Variants in ARHGAP32 observed in about 807,000 individuals in gnomAD.
ARHGAP32 encodes rho GTPase-activating protein 32.
A neutral mutation model predicts 186.5 loss-of-function variants in ARHGAP32; 51 were observed. The ratio of observed to expected loss-of-function variants is 0.27; its 90% CI spans 0.22 to 0.35. The LOEUF (loss-of-function observed/expected upper bound fraction) is 0.35, where lower values mean the gene tolerates loss of function less well. Ranked by LOEUF, ARHGAP32 falls within the 10% of genes least tolerant of loss-of-function variation. ARHGAP32 has a pLI of 1.00. For missense variants in ARHGAP32, 2,186 were observed against 2,623.5 expected (o/e 0.83, Z 3.64); for synonymous variants, 950 against 964.3 (o/e 0.99, Z 0.27).
At chr11:129,074,981 T>C (rs1017097199) in intron 6 of ARHGAP32, among the ~76,000 whole-genome samples, 1 of 152,054 alleles carries the variant, frequency 6.6e-6, no homozygotes, top group South Asian at 2.1e-4. Context: ...CGCATACACA[T>C]ATCAAAATAT....
At chr11:128,983,550 G>A (rs572522907) in intron 15 of ARHGAP32, among the ~76,000 whole-genome samples, 6 of 151,994 alleles carry the variant, frequency 3.9e-5, no homozygotes, top group African/African-American at 1.4e-4. Context: ...TGTAAATGAC[G>A]AGTTAATGGG....
chr11:129,189,854 G>A (rs1366973873), intron 1 of ARHGAP32, among the ~76,000 whole-genome samples: 1 of 152,316 alleles, frequency 6.6e-6, no homozygotes, highest in East Asian at 1.9e-4. Flanking sequence ...GCACCTGGAA[G>A]CACCAGAAGC....
At chr11:129,174,530 T>C (rs1943859491) in intron 1 of ARHGAP32, among the ~76,000 whole-genome samples, 4 of 152,202 alleles carry the variant, frequency 2.6e-5, no homozygotes, top group African/African-American at 7.2e-5. Flanking sequence ...CTCTGCAGAC[T>C]TAAATGTCCC....
chr11:129,046,581 T>C (rs1939816293), intron 10 of ARHGAP32, among the ~76,000 whole-genome samples: 1 of 152,174 alleles, frequency 6.6e-6, no homozygotes, highest in African/African-American at 2.4e-5. Flanking sequence ...TTCTTCTACC[T>C]TGGGGAATAC....
intron 1 of ARHGAP32, among the ~76,000 whole-genome samples, chr11:129,209,879 A>G (rs1944558983): frequency 6.6e-6 from 1 of 152,244 alleles, no homozygotes; most frequent in Non-Finnish European, 1.5e-5. Context: ...AAAACTTCAC[A>G]GATGAAATCG....
At chr11:129,058,246 A>C (rs1208084088) in intron 10 of ARHGAP32, among the ~76,000 whole-genome samples, 1 of 151,236 alleles carries the variant, frequency 6.6e-6, no homozygotes, top group Non-Finnish European at 1.5e-5. Flanking sequence ...CTCTATATAT[A>C]TATATATCTC....
intron 1 of ARHGAP32, among the ~76,000 whole-genome samples, chr11:129,173,848 G>A (rs1281714944): frequency 6.6e-6 from 1 of 152,102 alleles, no homozygotes; most frequent in Non-Finnish European, 1.5e-5. Flanking sequence ...AATCAAGAAT[G>A]TTGTCTTCTA....
chr11:129,003,996 T>G (rs1937634598), intron 11 of ARHGAP32, among the ~76,000 whole-genome samples: 1 of 152,086 alleles, frequency 6.6e-6, no homozygotes. Flanking sequence ...ATGTAGGTAC[T>G]TATAGCTATA....
chr11:128,993,626 T>C lies in ARHGAP32; in HGVS notation c.1195+4693A>G, dbSNP rs1489701814. 3.9e-5 allele frequency among the ~76,000 whole-genome samples: 6 copies of C among 152,044 alleles called. No individual in the cohort carries two copies. In the East Asian group the frequency reaches 1.2e-3, roughly 29 times the overall value. On this transcript the variant is annotated intron_variant, in intron 12 of 22. Transcript: ENST00000682385. The stretch of plus-strand genomic sequence containing the variant: ...ACTTTAAAATAGTCTCTATATATAT[T>C]TGTATGTGTAAATATATACACACAT...
In ARHGAP32 at chr11:128,973,084, G is replaced by T. The variant is rs762964077; in HGVS notation, c.3422C>A (p.Thr1141Asn). ...CDHPLPETTA[T>N]GDPTHSNTTE... The stretch of plus-strand genomic sequence containing the variant: ...TGTGTTGGAATGGGTAGGATCCCCA[G>T]TAGCTGTTGTCTCTGGTAGAGGATG... The change falls in exon 22 of 23, where the codon ACT (threonine) becomes AAT (asparagine). Residue 1141 changes from threonine (T) to asparagine (N), a missense_variant. Coordinates refer to ENST00000682385, the MANE Select transcript of ARHGAP32 (RefSeq NM_001378024.1). 6.2e-7 allele frequency: 1 copy of T among 1,614,060 alleles called. No individual in the cohort carries two copies. The highest frequency in any genetic ancestry group is 8.5e-7 in the Non-Finnish European group (1 of 1,180,054).
At chr11:129,274,104 T>C in intron 1 of ARHGAP32, among the ~76,000 whole-genome samples, 1 of 152,166 alleles carries the variant, frequency 6.6e-6, no homozygotes, top group East Asian at 1.9e-4. Flanking sequence ...CATGAGAAAT[T>C]AAACCAAACA....
At chr11:129,148,709 C>T (rs1418830070) in intron 2 of ARHGAP32, among the ~76,000 whole-genome samples, 1 of 152,166 alleles carries the variant, frequency 6.6e-6, no homozygotes, top group Non-Finnish European at 1.5e-5. Context: ...GAAAGCCATG[C>T]TTGCTTTCTC....
At position 128,970,734 on chromosome 11, in the gene ARHGAP32, G is replaced by A. The variant is rs114575545; in HGVS notation, c.4479C>T (p.Pro1493=). The A allele has an allele frequency of 2.2e-5, 35 of 1,614,158 alleles. No homozygotes were observed. Among genetic ancestry groups the A allele is most frequent in the Admixed American group, 2.2e-4 (13 of 60,024 alleles). ...QKTVYSSFAR[P]DVTTEPFGPD... ...GACCAAAGGGTTCAGTGGTGACATC[G>A]GGCCTAGCAAAGGAGGAGTAAACTG... The change falls in exon 23 of 23, where the codon CCC becomes CCT. Residue 1493 remains proline, a synonymous_variant. Transcript: ENST00000682385. This position sits in a 1 kb window ranked among gnomAD's most constrained non-coding sequence, Gnocchi z 5.8.
intron 1 of ARHGAP32, among the ~76,000 whole-genome samples, chr11:129,274,033 A>G (rs1945503270): frequency 6.8e-6 from 1 of 147,556 alleles, no homozygotes; most frequent in Non-Finnish European, 1.5e-5. Context: ...AAAAAAAAAC[A>G]ACTGTGTTTT....
At chr11:129,110,783 T>C (rs868206192) in intron 5 of ARHGAP32, among the ~76,000 whole-genome samples, 2 of 152,348 alleles carry the variant, frequency 1.3e-5, no homozygotes, top group African/African-American at 4.8e-5. Flanking sequence ...GTTAATTTTG[T>C]ATCTGCAAAT....
intron 1 of ARHGAP32, among the ~76,000 whole-genome samples, chr11:129,202,512 T>A (rs1944466649): frequency 1.3e-5 from 2 of 151,966 alleles, no homozygotes. Flanking sequence ...AAAAATAGAA[T>A]ATGAAAAAAA....
rs537824090 is a variant in ARHGAP32 at position 128,971,887 on chromosome 11, T to C, written c.4053+566A>G. The C allele has an allele frequency of 3.3e-5, 5 of 152,406 alleles. No individual in the cohort carries two copies. In the East Asian group the frequency reaches 7.7e-4, roughly 23 times the overall value. The allele number at this position is 152,406 out of a possible 1,614,324, so 9.4% of individuals were successfully genotyped here. ...GCATTCTGCATACTACATTCTCTCA[T>C]TGAAACAGGCACCTGACTATGGGAC... On this transcript the variant is annotated intron_variant, in intron 22 of 22. Coordinates refer to ENST00000682385, the MANE Select transcript of ARHGAP32 (RefSeq NM_001378024.1).
At chr11:129,016,191 G>C (rs1006144834) in intron 11 of ARHGAP32, among the ~76,000 whole-genome samples, 3 of 152,064 alleles carry the variant, frequency 2.0e-5, no homozygotes, top group African/African-American at 7.2e-5. Context: ...TGAAATAACT[G>C]ATCATATCCT....
intron 6 of ARHGAP32, among the ~76,000 whole-genome samples, chr11:129,079,321 GA>G (rs1941150804): frequency 6.6e-6 from 1 of 152,070 alleles, no homozygotes; most frequent in Non-Finnish European, 1.5e-5. Flanking sequence ...GGTTTCTAAA[GA>G]AAAGAACCAT....
Sources: gnomAD v4.1 joint callset for allele counts (sites outside exome capture counted in the v4.1 genomes callset) on GRCh38, gnomAD v4.1.1 for gene constraint, Gnocchi (gnomAD v3.1) non-coding constraint, MANE v1.5 for transcripts, NCBI Gene and HGNC (gene_info 2026-07-23, HGNC 2026-07-21) for gene names.